Variants in LARP4 observed in about 807,000 individuals in gnomAD.
The protein encoded by LARP4 is la-related protein 4.
In LARP4, 29 loss-of-function variants were observed where a neutral mutation model predicts 92.9. That is an observed-to-expected ratio of 0.31 (90% confidence interval 0.23 to 0.43). LARP4 has a LOEUF of 0.43. Among genes scored for constraint, LARP4 ranks in the 20% least tolerant of loss-of-function variants. The pLI is 1.00. For missense variants in LARP4, 732 were observed against 860.0 expected (o/e 0.85, Z 1.86); for synonymous variants, 279 against 284.1 (o/e 0.98, Z 0.18).
chr12:50,424,867 C>A (rs190858183), intron 1 of LARP4, among the ~76,000 whole-genome samples: 106 of 151,958 alleles, frequency 7.0e-4, no homozygotes, highest in Non-Finnish European at 1.4e-3. Flanking sequence ...TACCTTGAGG[C>A]CAGGTGCAGT....
At chr12:50,424,035 G>C (rs1051203337) in intron 1 of LARP4, among the ~76,000 whole-genome samples, 1 of 152,086 alleles carries the variant, frequency 6.6e-6, no homozygotes, top group African/African-American at 2.4e-5. Flanking sequence ...CTGGAATTAC[G>C]GGCATGAGCC....
intron 8 of LARP4, among the ~76,000 whole-genome samples, chr12:50,443,763 C>T (rs1951601727): frequency 6.6e-6 from 1 of 152,164 alleles, no homozygotes; most frequent in South Asian, 2.1e-4. Flanking sequence ...AGGTGCCTAA[C>T]AACCACGCCC....
At chr12:50,421,857 T>G (rs929518142) in intron 1 of LARP4, among the ~76,000 whole-genome samples, 7 of 152,158 alleles carry the variant, frequency 4.6e-5, no homozygotes, top group African/African-American at 1.7e-4. Flanking sequence ...TGCCTTGGGT[T>G]TGAATCCTTC....
intron 12 of LARP4, among the ~76,000 whole-genome samples, chr12:50,462,849 T>G (rs925937116): frequency 2.6e-5 from 4 of 152,146 alleles, no homozygotes; most frequent in African/African-American, 9.7e-5. Flanking sequence ...GTTGCTTGCT[T>G]AAAAAAATTA....
intron 8 of LARP4, among the ~76,000 whole-genome samples, chr12:50,441,851 C>A (rs1951258370): frequency 1.3e-5 from 2 of 152,176 alleles, no homozygotes; most frequent in Non-Finnish European, 2.9e-5. Flanking sequence ...GAGTTCGAGA[C>A]CAGCCTTGCC....
At chr12:50,465,664 A>G (rs1956061289) in intron 12 of LARP4, among the ~76,000 whole-genome samples, 1 of 152,204 alleles carries the variant, frequency 6.6e-6, no homozygotes, top group Non-Finnish European at 1.5e-5. Flanking sequence ...TTGGGTTGAA[A>G]AATGAGATTA....
Sources: gnomAD v4.1 joint callset for allele counts (sites outside exome capture counted in the v4.1 genomes callset) on GRCh38, gnomAD v4.1.1 for gene constraint, MANE v1.5 for transcripts, NCBI Gene and HGNC (gene_info 2026-07-23, HGNC 2026-07-21) for gene names.